The following CATSPERD variants were observed in gnomAD, a reference collection of about 807,000 sequenced individuals.
CATSPERD encodes the protein cation channel sperm-associated auxiliary subunit delta.
CATSPERD carries 86 observed loss-of-function variants against 98.1 expected under a neutral mutation model. That is an observed-to-expected ratio of 0.88 (90% CI 0.74 to 1.05). The LOEUF (loss-of-function observed/expected upper bound fraction) is 1.05. CATSPERD is among the 50% of genes least tolerant of loss of function. CATSPERD has a pLI of 0.00. For missense variants in CATSPERD, 995 were observed against 1,005.7 expected (o/e 0.99, Z 0.14); for synonymous variants, 394 against 390.2 (o/e 1.01, Z -0.12).
intron 21 of CATSPERD, among the ~76,000 whole-genome samples, chr19:5,777,393 C>T (rs960753539): frequency 1.3e-4 from 20 of 152,140 alleles, no homozygotes; most frequent in African/African-American, 4.8e-4. Flanking sequence ...CCCTCCCTGC[C>T]GTGGATTCTG....
Position 5,770,962 on chromosome 19 carries a change from C to T in CATSPERD, c.1653C>T (p.Gly551=). The T allele has an allele frequency of 6.2e-7, 1 of 1,610,960 alleles. No individual in the cohort carries two copies. Among genetic ancestry groups the T allele is most frequent in the Non-Finnish European group, 8.5e-7 (1 of 1,178,766 alleles). ...FIIEKEFYDP[G]FQGQQSSEDL... The stretch of plus-strand genomic sequence containing the variant: ...CTTGAAGGGAATTCTACGACCCCGG[C>T]TTCCAGGGGCAGCAGTCCTCCGAGG... Residue 551 remains glycine (G), a synonymous_variant, in exon 19 of 22, where the codon GGC becomes GGT. Coordinates refer to ENST00000381624, the MANE Select transcript of CATSPERD (RefSeq NM_152784.4).
At chr19:5,769,574 C>T (rs571396111) in intron 18 of CATSPERD, among the ~76,000 whole-genome samples, 3 of 152,112 alleles carry the variant, frequency 2.0e-5, no homozygotes, top group South Asian at 2.1e-4. Flanking sequence ...CCTTGCCACG[C>T]GAGTGCACAC....
At chr19:5,769,892 C>T (rs2056612583) in intron 18 of CATSPERD, among the ~76,000 whole-genome samples, 1 of 151,762 alleles carries the variant, frequency 6.6e-6, no homozygotes, top group African/African-American at 2.4e-5. Context: ...AGTTTGAGAG[C>T]AGTCTGGCCA....
intron 7 of CATSPERD, among the ~76,000 whole-genome samples, chr19:5,740,550 G>A (rs1045555978): frequency 4.6e-5 from 7 of 151,948 alleles, no homozygotes; most frequent in Non-Finnish European, 1.0e-4. Flanking sequence ...TCGCACCAGT[G>A]CACTCCAGCC....
chr19:5,752,793 C>T (rs899078951), intron 12 of CATSPERD, among the ~76,000 whole-genome samples: 4 of 151,496 alleles, frequency 2.6e-5, no homozygotes, highest in Admixed American at 6.6e-5. Flanking sequence ...TTTGGGAGGC[C>T]GAGGCGGGCG....
chr19:5,751,954 G>T, intron 12 of CATSPERD, 131 bp downstream of exon 12: 1 of 862,458 alleles, frequency 1.2e-6, no homozygotes, highest in South Asian at 2.2e-5. Flanking sequence ...TTTGAGGCCA[G>T]GAGTTCAAGA....
At position 5,720,693 on chromosome 19, in the gene CATSPERD, C is replaced by T. The variant is rs770922102; in HGVS notation, c.-45C>T. On this transcript the variant is annotated 5_prime_UTR_variant, in exon 1 of 22. Coordinates refer to ENST00000381624, the MANE Select transcript of CATSPERD (RefSeq NM_152784.4). ...ACGTACTCGGATTGTGCAGCGACTCCCCGTGGCGGTTGAGGGGCAGTGGTG... is the reference window on the plus strand; with the variant it reads ...ACGTACTCGGATTGTGCAGCGACTCTCCGTGGCGGTTGAGGGGCAGTGGTG... The T allele has an allele frequency of 1.9e-6, 3 of 1,580,932 alleles. No individual in the cohort carries two copies. Among genetic ancestry groups the T allele is most frequent in the African/African-American group, 1.3e-5 (1 of 74,430 alleles).
chr19:5,722,157 C>T (rs756773072), intron 1 of CATSPERD, among the ~76,000 whole-genome samples: 83 of 151,718 alleles, frequency 5.5e-4, no homozygotes, highest in Non-Finnish European at 8.8e-4. Context: ...GTCTTGTTCT[C>T]GTCGCCCAGG....
chr19:5,778,247 G>T, intron 21 of CATSPERD, 129 bp from the exon 22 acceptor site: 81 of 617,546 alleles, frequency 1.3e-4, no homozygotes, highest in Non-Finnish European at 2.0e-4. Context: ...GGAAACAGAA[G>T]TGGGTATACC....
At chr19:5,742,229 CGTGTGT>C (rs1222396337) in intron 7 of CATSPERD, among the ~76,000 whole-genome samples, 1 of 143,990 alleles carries the variant, frequency 6.9e-6, no homozygotes. Context: ...CATGTGTGTG[CGTGTGT>C]GTACGTATGT....
intron 11 of CATSPERD, among the ~76,000 whole-genome samples, chr19:5,751,023 G>A (rs1256419715): frequency 6.6e-6 from 1 of 150,988 alleles, no homozygotes; most frequent in Non-Finnish European, 1.5e-5. Context: ...AGACCAGCCT[G>A]ATCAACATGG....
intron 12 of CATSPERD, among the ~76,000 whole-genome samples, chr19:5,753,107 T>G (rs1298627222): frequency 1.3e-5 from 2 of 151,738 alleles, no homozygotes; most frequent in South Asian, 2.1e-4. Flanking sequence ...CCCCTGAACT[T>G]AAGTGATTCT....
At chr19:5,746,438 T>C (rs2056095095) in intron 9 of CATSPERD, among the ~76,000 whole-genome samples, 2 of 151,274 alleles carry the variant, frequency 1.3e-5, no homozygotes, top group South Asian at 4.2e-4. Context: ...TTCTTTCTCT[T>C]TTTTTTTTGA....
chr19:5,730,591 G>C (rs2055695859), intron 4 of CATSPERD, among the ~76,000 whole-genome samples: 1 of 107,154 alleles, frequency 9.3e-6, no homozygotes, highest in Non-Finnish European at 2.0e-5. Context: ...AGATAGGTGG[G>C]ATGGTATCTT....
At chr19:5,769,036 G>C (rs769885936) in intron 18 of CATSPERD, among the ~76,000 whole-genome samples, 3 of 151,782 alleles carry the variant, frequency 2.0e-5, no homozygotes, top group African/African-American at 2.4e-5. Context: ...CACCTGTAAT[G>C]CCAGCTACTC....
At chr19:5,726,738 T>C (rs567388398) in intron 2 of CATSPERD, among the ~76,000 whole-genome samples, 2 of 152,174 alleles carry the variant, frequency 1.3e-5, no homozygotes, top group African/African-American at 4.8e-5. Flanking sequence ...TTACAGCAAG[T>C]TGCAAAAACA....
At chr19:5,739,493 G>A (rs571512657) in intron 7 of CATSPERD, 54 bp downstream of exon 7, 17 of 1,040,406 alleles carry the variant, frequency 1.6e-5, no homozygotes, top group Non-Finnish European at 2.5e-5. Context: ...CCTTGTGATT[G>A]TAGTAATTGC....
chr19:5,748,105 TCC>T, intron 9 of CATSPERD, 53 bp from the exon 10 acceptor site: 1 of 1,454,712 alleles, frequency 6.9e-7, no homozygotes, highest in Non-Finnish European at 9.7e-7. Context: ...GTAGTAGACA[TCC>T]CCTTTCCCAG....
rs113853836 is a variant in CATSPERD, at chr19:5,729,932, T to A, written c.264T>A (p.Pro88=). 5.6e-4 allele frequency: 881 copies of A among 1,585,346 alleles called. 3 individuals are homozygous for A. In the Middle Eastern group the frequency reaches 6.2e-3, roughly 11 times the overall value. The part of the protein sequence containing the change: ...FETSLLPFTI[P]TSMQVGVPEV... ...CTAGTCTCCTTCCATTTACCATCCC[T>A]ACATCAATGCAGGTAGTTATTTTAC... Residue 88 remains proline (P), a synonymous_variant, in exon 4 of 22, where the codon CCT becomes CCA. Transcript: ENST00000381624.
Sources: gnomAD v4.1 joint callset for allele counts (sites outside exome capture counted in the v4.1 genomes callset) on GRCh38, gnomAD v4.1.1 for gene constraint, MANE v1.5 for transcripts, NCBI Gene and HGNC (gene_info 2026-07-23, HGNC 2026-07-21) for gene names.